The following LRFN2 variants were observed in gnomAD, a reference collection of about 807,000 sequenced individuals.
LRFN2 encodes the protein leucine-rich repeat and fibronectin type-III domain-containing protein 2.
A neutral mutation model predicts 37.3 loss-of-function variants in LRFN2; 18 were observed. The ratio of observed to expected loss-of-function variants is 0.48; its 90% CI spans 0.33 to 0.72. LRFN2 has a LOEUF of 0.72. Among genes scored for constraint, LRFN2 ranks in the 30% least tolerant of loss-of-function variants. The pLI is 0.02. For missense variants in LRFN2, 1,006 were observed against 1,060.7 expected (o/e 0.95, Z 0.72); for synonymous variants, 556 against 466.6 (o/e 1.19, Z -2.47).
chr6:40,553,099 G>A lies in LRFN2; in HGVS notation c.-19+33842C>T, dbSNP rs538832945. Among the ~76,000 whole-genome samples, 37 of 152,112 alleles carry A rather than the reference G, an allele frequency of 2.4e-4. 2 individuals are homozygous for A. The South Asian group carries it at 6.2e-3, about 26-fold the overall frequency. On this transcript the variant is annotated intron_variant, in intron 1 of 2. Transcript: ENST00000338305. ...CAGTCATGCATCTCCCTTCTTGTTC[G>A]CTCCGCTCTGCCTGCCAGGTGGAGG...
intron 1 of LRFN2, among the ~76,000 whole-genome samples, chr6:40,544,710 A>T (rs1349240733): frequency 1.3e-5 from 2 of 152,198 alleles, no homozygotes; most frequent in African/African-American, 4.8e-5. Flanking sequence ...GCCAGTATAA[A>T]GGGATGGCCC....
intron 1 of LRFN2, among the ~76,000 whole-genome samples, chr6:40,488,736 G>A (rs1256040350): frequency 6.6e-6 from 1 of 152,136 alleles, no homozygotes. Context: ...TACCCACTGT[G>A]TTTTAGGGGT....
rs529599441 is a variant in LRFN2, at chr6:40,522,617, G to T, written c.-19+64324C>A. On this transcript the variant is annotated intron_variant, in intron 1 of 2. Coordinates refer to ENST00000338305, the MANE Select transcript of LRFN2 (RefSeq NM_020737.3). The stretch of plus-strand genomic sequence containing the variant: ...GCTGGGATGGAACCAGCAAGCAGGG[G>T]CTAGCGAGGGGACCGTATAAATTTT... Among the ~76,000 whole-genome samples, 4 of 152,294 alleles carry T rather than the reference G, an allele frequency of 2.6e-5. No homozygotes were observed. In the South Asian group the frequency reaches 6.2e-4, roughly 24 times the overall value.
chr6:40,572,323 G>T (rs890827143), intron 1 of LRFN2, among the ~76,000 whole-genome samples: 1 of 152,186 alleles, frequency 6.6e-6, no homozygotes, highest in Non-Finnish European at 1.5e-5. Flanking sequence ...ACATCAGAGA[G>T]AACTTTCTAG....
intron 2 of LRFN2, among the ~76,000 whole-genome samples, chr6:40,414,744 C>A (rs935461814): frequency 1.6e-4 from 24 of 152,220 alleles, no homozygotes; most frequent in Non-Finnish European, 2.9e-4. Flanking sequence ...CTTGGCCCCC[C>A]CAGGCGGGGT....
At chr6:40,550,929 G>A (rs1766764567) in intron 1 of LRFN2, among the ~76,000 whole-genome samples, 2 of 152,208 alleles carry the variant, frequency 1.3e-5, no homozygotes, top group Non-Finnish European at 2.9e-5. Context: ...ATTTTTAAAT[G>A]TGCATATGTA....
At chr6:40,472,662 A>T (rs1032839136) in intron 1 of LRFN2, among the ~76,000 whole-genome samples, 8 of 152,038 alleles carry the variant, frequency 5.3e-5, no homozygotes, top group African/African-American at 1.9e-4. Context: ...GCTGCATCCT[A>T]TGCTTCCAGG....
chr6:40,402,899 G>A (rs1329224207), intron 2 of LRFN2, among the ~76,000 whole-genome samples: 1 of 152,200 alleles, frequency 6.6e-6, no homozygotes, highest in East Asian at 1.9e-4. Flanking sequence ...AGGGAAGTGA[G>A]GGAACCACGT....
At chr6:40,460,363 C>T (rs1050175274) in intron 1 of LRFN2, among the ~76,000 whole-genome samples, 1 of 152,106 alleles carries the variant, frequency 6.6e-6, no homozygotes, top group African/African-American at 2.4e-5. Flanking sequence ...ATTCCCAGAC[C>T]CGGATTTGCA....
chr6:40,482,982 T>G (rs958441157), intron 1 of LRFN2, among the ~76,000 whole-genome samples: 3 of 152,236 alleles, frequency 2.0e-5, no homozygotes, highest in Non-Finnish European at 4.4e-5. Context: ...TCTGTTCCCT[T>G]GGCCTCTCCC....
chr6:40,410,038 G>C (rs1762931858), intron 2 of LRFN2, among the ~76,000 whole-genome samples: 1 of 152,192 alleles, frequency 6.6e-6, no homozygotes, highest in African/African-American at 2.4e-5. Context: ...AATTAATTAA[G>C]GGTGGGGAGA....
chr6:40,447,846 C>G (rs1764007586), intron 1 of LRFN2, among the ~76,000 whole-genome samples: 1 of 152,152 alleles, frequency 6.6e-6, no homozygotes. Flanking sequence ...TCAAAGAGCT[C>G]TGTAGATATT....
chr6:40,460,242 T>G (rs1764319853), intron 1 of LRFN2, among the ~76,000 whole-genome samples: 1 of 152,092 alleles, frequency 6.6e-6, no homozygotes, highest in African/African-American at 2.4e-5. Flanking sequence ...GTCAAACATC[T>G]GGTTAATGCA....
Position 40,435,344 on chromosome 6 carries a change from A to G in LRFN2, c.-18-2213T>C, listed in dbSNP as rs186426084. Among the ~76,000 whole-genome samples, 57 of 151,294 alleles carry G rather than the reference A, an allele frequency of 3.8e-4. No individual in the cohort carries two copies. The East Asian group carries it at 0.011, about 28-fold the overall frequency. The stretch of plus-strand genomic sequence containing the variant: ...TAATTATTTTTATTTTTATTTTTGT[A>G]GAGTCAGATTTTGCTATGTTGCCCA... On this transcript the variant is annotated intron_variant, in intron 1 of 2. Transcript: ENST00000338305.
At position 40,392,256 on chromosome 6, in the gene LRFN2, G is replaced by C. The variant is rs745878566; in HGVS notation, c.2057C>G (p.Thr686Arg). 2 of 1,587,770 alleles carry C rather than the reference G, an allele frequency of 1.3e-6. No homozygotes were observed. Among genetic ancestry groups the C allele is most frequent in the Admixed American group, 1.8e-5 (1 of 56,666 alleles). ...GTCCGAGTGGTGGCCCCGGGCCGAC[G>C]TCCCAGCCCCTCTCCCGGCTGGAGT... ...SRTPAGRGAG[T>R]SARGHHSDRE... The change falls in exon 3 of 3, where the codon ACG (threonine) becomes AGG (arginine). Residue 686 changes from threonine (T) to arginine (R), a missense_variant. By Grantham distance (71) the Thr-to-Arg change is moderately conservative. Transcript: ENST00000338305. The surrounding 1 kb of genome is among the most constrained non-coding windows in gnomAD (Gnocchi z 4.7).
intron 1 of LRFN2, among the ~76,000 whole-genome samples, chr6:40,438,589 A>G (rs1171457952): frequency 2.0e-5 from 3 of 152,222 alleles, no homozygotes; most frequent in Non-Finnish European, 4.4e-5. Context: ...GGCCATGCTC[A>G]GAGTAAAGGA....
intron 1 of LRFN2, among the ~76,000 whole-genome samples, chr6:40,435,052 TAGAG>T (rs1202054790): frequency 0.037 from 1,386 of 37,210 alleles, 15 homozygotes; most frequent in Non-Finnish European, 0.05. Flanking sequence ...TATATATATA[TAGAG>T]AGAGAGAGAG....
At chr6:40,397,009 T>C (rs1266555035) in intron 2 of LRFN2, among the ~76,000 whole-genome samples, 2 of 152,194 alleles carry the variant, frequency 1.3e-5, no homozygotes, top group Non-Finnish European at 2.9e-5. Flanking sequence ...GGGGGAATGA[T>C]GGGGCTGAGA....
intron 1 of LRFN2, among the ~76,000 whole-genome samples, chr6:40,553,585 C>A (rs1017740819): frequency 6.6e-6 from 1 of 152,088 alleles, no homozygotes; most frequent in Admixed American, 6.5e-5. Context: ...GAGGGCAAGG[C>A]CATTCTGCAT....
Sources: allele counts gnomAD v4.1 joint callset (sites outside exome capture counted in the v4.1 genomes callset), GRCh38; gene constraint gnomAD v4.1.1; non-coding constraint Gnocchi (gnomAD v3.1); transcripts MANE v1.5; gene names NCBI Gene and HGNC (gene_info 2026-07-23, HGNC 2026-07-21).